The following TNRC6B variants were observed in gnomAD, a reference collection of about 807,000 sequenced individuals.
The protein encoded by TNRC6B is trinucleotide repeat containing adaptor 6B, also known as trinucleotide repeat-containing gene 6B protein.
TNRC6B carries 52 observed loss-of-function variants against 203.6 expected under a neutral mutation model. The observed-to-expected ratio is 0.26, with a 90% CI of 0.20 to 0.32. The LOEUF (loss-of-function observed/expected upper bound fraction) is 0.32. Ranked by LOEUF, TNRC6B falls within the 10% of genes least tolerant of loss-of-function variation. The pLI, the probability that TNRC6B is intolerant of heterozygous loss-of-function variation, is 1.00. For missense variants in TNRC6B, 1,923 were observed against 2,286.2 expected, an observed-to-expected ratio of 0.84 and a Z score of 3.24; for synonymous variants, 838 against 845.7, an observed-to-expected ratio of 0.99 and a Z score of 0.16.
In TNRC6B at chr22:40,162,857, C is replaced by T. The variant is rs965564979; in HGVS notation, c.113+6675C>T. Among the ~76,000 whole-genome samples the T allele has an allele frequency of 9.9e-5, 15 of 152,112 alleles. 1 individual carries two copies. Among genetic ancestry groups the T allele is most frequent in the Admixed American group, 8.5e-4 (13 of 15,286 alleles). On this transcript the variant is annotated intron_variant, in intron 4 of 23. Transcript: ENST00000301923. The stretch of plus-strand genomic sequence containing the variant: ...AAGTTAATTGGTACTTTGAAAATGC[C>T]ACAAAGAGGTTCAGTAGATGATAGT...
At chr22:40,268,079 A>G (rs34120785) in intron 5 of TNRC6B, among the ~76,000 whole-genome samples, 7,385 of 152,156 alleles carry the variant, frequency 0.049, 234 homozygotes, top group Middle Eastern at 0.12. Flanking sequence ...AGTTAAAATT[A>G]ATATTAAGAA....
intron 3 of TNRC6B, among the ~76,000 whole-genome samples, chr22:40,255,095 G>A (rs2070251561): frequency 6.6e-6 from 1 of 152,114 alleles, no homozygotes. Context: ...CTTCCTGCTT[G>A]GGGAACCTCA....
intron 3 of TNRC6B, among the ~76,000 whole-genome samples, 176 bp from the exon 4 acceptor site, chr22:40,261,656 A>G (rs1251250996): frequency 6.6e-6 from 1 of 152,050 alleles, no homozygotes; most frequent in Non-Finnish European, 1.5e-5. Context: ...CACTCTTGTA[A>G]TTCTAGCACT....
At chr22:40,314,987 T>G (rs2071237928) in intron 19 of TNRC6B, among the ~76,000 whole-genome samples, 1 of 152,236 alleles carries the variant, frequency 6.6e-6, no homozygotes, top group African/African-American at 2.4e-5. Context: ...TCCTTGAATG[T>G]GTCCTCCTTT....
At chr22:40,154,473 T>A (rs1341048465) in intron 3 of TNRC6B, among the ~76,000 whole-genome samples, 1 of 147,856 alleles carries the variant, frequency 6.8e-6, no homozygotes, top group Non-Finnish European at 1.5e-5. Context: ...CAAAAATAAA[T>A]AAATAAATAA....
chr22:40,265,235 G>C lies in TNRC6B; in HGVS notation c.1005G>C (p.Gln335His). Residue 335 changes from glutamine to histidine, a missense_variant, in exon 5 of 23, where the codon CAG becomes CAC. Gln to His is a conservative substitution (Grantham distance 24, BLOSUM62 0). Coordinates refer to ENST00000454349, the MANE Select transcript of TNRC6B (RefSeq NM_001162501.2). ...LETDNSNSSA[Q>H]VSTVGQTSRE... Reference sequence around the variant, plus strand: ...CAGATAATAGTAATTCCAGTGCACAGGTTAGCACAGTAGGTCAGACATCCA... The same window carrying C: ...CAGATAATAGTAATTCCAGTGCACACGTTAGCACAGTAGGTCAGACATCCA... 2 of 1,614,034 alleles carry C rather than the reference G, an allele frequency of 1.2e-6. No homozygotes were observed. Among genetic ancestry groups the C allele is most frequent in the Non-Finnish European group, 1.7e-6 (2 of 1,179,908 alleles).
intron 1 of TNRC6B, among the ~76,000 whole-genome samples, chr22:40,239,913 C>T (rs894755882): frequency 6.6e-6 from 1 of 152,104 alleles, no homozygotes; most frequent in Admixed American, 6.5e-5. Flanking sequence ...TCTCAGCTCA[C>T]TGCAACTTCT....
chr22:40,173,793 A>AT (rs1160322782), upstream of TNRC6B, among the ~76,000 whole-genome samples: 83 of 64,896 alleles, frequency 1.3e-3, 11 homozygotes, highest in East Asian at 5.7e-3. Flanking sequence ...ATATATATAT[A>AT]TTTTTTTTTT....
intron 1 of TNRC6B, among the ~76,000 whole-genome samples, chr22:40,184,476 C>T (rs1043023288): frequency 6.6e-6 from 1 of 151,998 alleles, no homozygotes; most frequent in African/African-American, 2.4e-5. Flanking sequence ...AAAAACTAAG[C>T]CTTGACCAGA....
rs1234809294 is a variant in TNRC6B, at chr22:40,273,485, A to G, written c.3026A>G (p.His1009Arg). Residue 1009 changes from histidine (H) to arginine (R), a missense_variant, in exon 7 of 23, where the codon CAT (histidine) becomes CGT (arginine). Physicochemically the swap from His to Arg is conservative, Grantham distance 29. Around this residue, in one of 8 missense-constraint regions of TNRC6B, gnomAD observed 599 missense variants for 656.5 expected, o/e 0.91. Coordinates refer to ENST00000454349, the MANE Select transcript of TNRC6B (RefSeq NM_001162501.2). ...GACGGGCCAGTCACAGGAGCTCGCC[A>G]TCCCAGCTGGGAAGAGGAGGAGGAT... The part of the protein sequence containing the change: ...ESDGPVTGAR[H>R]PSWEEEEDGG... 3 of 1,608,602 alleles carry G rather than the reference A, an allele frequency of 1.9e-6. No individual in the cohort carries two copies. Among genetic ancestry groups the G allele is most frequent in the Middle Eastern group, 1.7e-4 (1 of 6,058 alleles).
In TNRC6B at chr22:40,060,080, C is replaced by T. The variant is rs189686023; in HGVS notation, c.-121+15082C>T. ...CTGGCCTCGTGTGATCCACCCGCCT[C>T]GACCTCCCAAAAGTGCTGGGATTTC... On this transcript the variant is annotated intron_variant, in intron 1 of 23. Transcript: ENST00000301923. Among the ~76,000 whole-genome samples the T allele has an allele frequency of 6.6e-5, 10 of 150,500 alleles. No homozygotes were observed. In the East Asian group the frequency reaches 1.4e-3, roughly 21 times the overall value.
intron 6 of TNRC6B, among the ~76,000 whole-genome samples, chr22:40,271,788 T>TA (rs1297704090): frequency 6.6e-6 from 1 of 152,238 alleles, no homozygotes; most frequent in Non-Finnish European, 1.5e-5. Context: ...CATCTGTAGT[T>TA]ATAGCACACA....
chr22:40,045,950 G>A (rs1409169629), intron 1 of TNRC6B, among the ~76,000 whole-genome samples: 1 of 152,184 alleles, frequency 6.6e-6, no homozygotes, highest in Non-Finnish European at 1.5e-5. Context: ...GAGATTGAAC[G>A]AGAGGATGGT....
intron 2 of TNRC6B, among the ~76,000 whole-genome samples, chr22:40,248,196 G>A (rs528740015): frequency 6.6e-6 from 1 of 152,222 alleles, no homozygotes; most frequent in Non-Finnish European, 1.5e-5. Flanking sequence ...CCAGCTGTGG[G>A]TGTTTGTAGC....
chr22:40,173,222 G>A (rs568558221), upstream of TNRC6B, among the ~76,000 whole-genome samples: 6 of 151,896 alleles, frequency 4.0e-5, no homozygotes, highest in South Asian at 2.1e-4. Flanking sequence ...TCAGGTTCCC[G>A]AGTAGCTGGG....
chr22:40,056,477 G>C (rs956825248), intron 1 of TNRC6B, among the ~76,000 whole-genome samples: 3 of 152,156 alleles, frequency 2.0e-5, no homozygotes, highest in Non-Finnish European at 4.4e-5. Flanking sequence ...GGACGAGGTT[G>C]AGAAGGCAAC....
intron 3 of TNRC6B, among the ~76,000 whole-genome samples, chr22:40,261,116 T>A (rs962217382): frequency 3.3e-5 from 5 of 151,656 alleles, no homozygotes; most frequent in African/African-American, 1.2e-4. Flanking sequence ...AAACCCTGTC[T>A]CTAGAGGAGG....
rs1317213550 is a variant in TNRC6B at position 40,273,562 on chromosome 22, T to C, written c.3103T>C (p.Ser1035Pro). The change falls in exon 7 of 23, where the codon TCA becomes CCA. Residue 1035 changes from serine to proline, a missense_variant. Coordinates refer to ENST00000454349, the MANE Select transcript of TNRC6B (RefSeq NM_001162501.2). ...GSQGSASSHNSASWGQGGKKQ... is the reference protein window; with the variant it reads ...GSQGSASSHNPASWGQGGKKQ... ...TCAGGGCAGTGCTTCCTCCCACAAC[T>C]CAGCAAGCTGGGGACAAGGAGGAAA... 6.3e-7 allele frequency: 1 copy of C among 1,588,904 alleles called. No individual in the cohort carries two copies. Among genetic ancestry groups the C allele is most frequent in the Non-Finnish European group, 8.6e-7 (1 of 1,167,508 alleles).
rs138046353 is a variant in TNRC6B, at chr22:40,143,752, A to T, written c.46-12363A>T. Among the ~76,000 whole-genome samples the T allele has an allele frequency of 4.2e-3, 632 of 152,256 alleles. 2 individuals carry two copies. Among genetic ancestry groups the T allele is most frequent in the African/African-American group, 0.013 (524 of 41,542 alleles). ...ACCTCGTGATCCGCCCGCCTTGGCC[A>T]CCCAAAGTGTTGGGATTACAGGCGT... On this transcript the variant is annotated intron_variant, in intron 3 of 23. Coordinates refer to the TNRC6B transcript ENST00000301923.
Sources: gnomAD v4.1 joint callset for allele counts (sites outside exome capture counted in the v4.1 genomes callset) on GRCh38, gnomAD v4.1.1 for gene constraint, gnomAD v4.1.1 regional missense constraint, MANE v1.5 for transcripts, NCBI Gene and HGNC (gene_info 2026-07-23, HGNC 2026-07-21) for gene names.